Variants in OR6N1 observed in about 807,000 individuals in gnomAD.
OR6N1 encodes olfactory receptor family 6 subfamily N member 1, also known as olfactory receptor 6N1.
For synonymous variants in OR6N1, 170 were observed against 150.7 expected (o/e 1.13, Z -0.94); for missense variants, 394 against 371.7 (o/e 1.06, Z -0.49).
the OR6N1 span, among the ~76,000 whole-genome samples, chr1:158,787,606 CTA>C: frequency 2.0e-3 from 242 of 123,784 alleles, 1 homozygote; most frequent in African/African-American, 6.9e-3. Context: ...CTCTCTCTCT[CTA>C]TCTATCTCTC....
the OR6N1 span, among the ~76,000 whole-genome samples, chr1:158,832,723 A>T: frequency 6.6e-6 from 1 of 151,946 alleles, no homozygotes; most frequent in Non-Finnish European, 1.5e-5. Context: ...TTTCCTAAAA[A>T]GTCTTTCTTT....
At chr1:158,816,536 A>C in the OR6N1 span, among the ~76,000 whole-genome samples, 1 of 152,168 alleles carries the variant, frequency 6.6e-6, no homozygotes, top group African/African-American at 2.4e-5. Flanking sequence ...TGAAAAATTT[A>C]AAAATTAGCC....
the OR6N1 span, among the ~76,000 whole-genome samples, chr1:158,787,635 T>TCTCTCTCACACACACA: frequency 3.7e-3 from 495 of 134,222 alleles, 4 homozygotes; most frequent in African/African-American, 8.3e-3. Flanking sequence ...TCTCTCTCTC[T>TCTCTCTCACACACACA]CACACACACA....
At chr1:158,836,621 T>C in the OR6N1 span, among the ~76,000 whole-genome samples, 1 of 151,866 alleles carries the variant, frequency 6.6e-6, no homozygotes, top group African/African-American at 2.4e-5. Context: ...TTTTCTTCTA[T>C]GTCAATTCAG....
the OR6N1 span, chr1:158,795,983 C>T: frequency 3.9e-5 from 6 of 152,222 alleles, no homozygotes; most frequent in Admixed American, 3.9e-4. Flanking sequence ...TTAACAATGC[C>T]TTCAACCTGC....
At chr1:158,774,432 C>T (rs1657527818), upstream of OR6N1, 1 of 152,144 alleles carries the variant, frequency 6.6e-6, no homozygotes, top group Non-Finnish European at 1.5e-5. Flanking sequence ...TGGGGTTCAT[C>T]ACAAGCCCAT....
chr1:158,775,418 G>T (rs1657566209), upstream of OR6N1: 1 of 152,194 alleles, frequency 6.6e-6, no homozygotes, highest in South Asian at 2.1e-4. Context: ...GGAGCTGAGG[G>T]AGTAGAGGTA....
At chr1:158,806,510 TTAAGTG>T in the OR6N1 span, among the ~76,000 whole-genome samples, 1 of 152,170 alleles carries the variant, frequency 6.6e-6, no homozygotes, top group Non-Finnish European at 1.5e-5. Context: ...TGGAGGGAAT[TTAAGTG>T]TATTGCATAT....
the OR6N1 span, among the ~76,000 whole-genome samples, chr1:158,829,617 GTCT>G: frequency 6.6e-6 from 1 of 152,070 alleles, no homozygotes; most frequent in East Asian, 1.9e-4. Context: ...ACATTTTCTT[GTCT>G]TCTTCTGAGC....
At chr1:158,779,315 G>A in the OR6N1 span, among the ~76,000 whole-genome samples, 3 of 115,160 alleles carry the variant, frequency 2.6e-5, no homozygotes, top group South Asian at 2.8e-4. Context: ...GAAGAGAACC[G>A]CCCAATTCTA....
the OR6N1 span, among the ~76,000 whole-genome samples, chr1:158,834,442 A>G: frequency 9.6e-4 from 146 of 152,116 alleles, no homozygotes; most frequent in African/African-American, 3.3e-3. Context: ...CGTGTTTATC[A>G]ATTTTTATCA....
intron 1 of OR6N1, among the ~76,000 whole-genome samples, chr1:158,770,468 T>G (rs1657396933): frequency 6.6e-6 from 1 of 152,178 alleles, no homozygotes. Context: ...TGATTTTCCC[T>G]TTTTAAAAAA....
At chr1:158,786,837 CAG>C in the OR6N1 span, among the ~76,000 whole-genome samples, 10 of 151,798 alleles carry the variant, frequency 6.6e-5, 1 homozygote, top group Admixed American at 2.6e-4. Context: ...TTTGGGGACT[CAG>C]GGGGGAAAAG....
At chr1:158,795,741 A>G in the OR6N1 span, among the ~76,000 whole-genome samples, 20 of 152,264 alleles carry the variant, frequency 1.3e-4, no homozygotes, top group East Asian at 3.9e-3. Context: ...TGTTATGGCA[A>G]CAGTCTCCCC....
At chr1:158,776,656 A>G, upstream of OR6N1, 1 of 1,348,082 alleles carries the variant, frequency 7.4e-7, no homozygotes, top group Admixed American at 1.9e-5. Flanking sequence ...TTGAACATTG[A>G]GGTGAGAAAG....
At chr1:158,788,150 TG>T in the OR6N1 span, among the ~76,000 whole-genome samples, 4 of 152,214 alleles carry the variant, frequency 2.6e-5, no homozygotes, top group African/African-American at 9.7e-5. Flanking sequence ...TTTATAAATT[TG>T]TTGATTATTG....
At chr1:158,818,620 G>A in the OR6N1 span, among the ~76,000 whole-genome samples, 2 of 152,178 alleles carry the variant, frequency 1.3e-5, no homozygotes, top group African/African-American at 2.4e-5. Flanking sequence ...ATGGAGAGGA[G>A]AGATCAGAAG....
the OR6N1 span, among the ~76,000 whole-genome samples, chr1:158,838,421 A>G: frequency 6.6e-6 from 1 of 152,090 alleles, no homozygotes; most frequent in Non-Finnish European, 1.5e-5. Context: ...CTTCTGGTCT[A>G]CAAAGTATTT....
the OR6N1 span, among the ~76,000 whole-genome samples, chr1:158,821,441 T>A: frequency 4.6e-5 from 7 of 152,346 alleles, no homozygotes; most frequent in South Asian, 1.4e-3. Flanking sequence ...GTAGTTTCGC[T>A]GCCCTAAAAA....
Sources: allele counts gnomAD v4.1 joint callset (sites outside exome capture counted in the v4.1 genomes callset), GRCh38; gene constraint gnomAD v4.1.1; transcripts MANE v1.5; gene names NCBI Gene and HGNC (gene_info 2026-07-23, HGNC 2026-07-21).